ETS2: variants seen among roughly 807,000 people sequenced by gnomAD.
ETS2 encodes protein C-ets-2.
ETS2 carries 19 observed loss-of-function variants against 54.9 expected under a neutral mutation model. The ratio of observed to expected loss-of-function variants is 0.35; its 90% CI spans 0.24 to 0.51. The LOEUF (loss-of-function observed/expected upper bound fraction) is 0.51, where lower values mean the gene tolerates loss of function less well. Among genes scored for constraint, ETS2 ranks in the 20% least tolerant of loss-of-function variants. The probability of loss-of-function intolerance (pLI) is 0.97; values close to 1 mark genes in which losing one functional copy is unlikely to be tolerated. For missense variants in ETS2, 417 were observed against 593.0 expected (o/e 0.70, Z 3.08); for synonymous variants, 219 against 229.3 (o/e 0.95, Z 0.41).
intron 5 of ETS2, 44 bp downstream of exon 5, chr21:38,815,025 T>C: frequency 6.3e-7 from 1 of 1,592,138 alleles, no homozygotes; most frequent in African/African-American, 1.3e-5. Flanking sequence ...GGATGAGCTG[T>C]GGCCGGGAAG....
chr21:38,819,008 T>C (rs912382708), intron 7 of ETS2, among the ~76,000 whole-genome samples: 2 of 152,232 alleles, frequency 1.3e-5, no homozygotes, highest in Non-Finnish European at 2.9e-5. Flanking sequence ...TGTATACCCA[T>C]GTAATAACCA....
chr21:38,818,798 C>T (rs2123421804), intron 7 of ETS2, 152 bp downstream of exon 7: 1 of 898,846 alleles, frequency 1.1e-6, no homozygotes, highest in Non-Finnish European at 1.7e-6. Flanking sequence ...CAAGCATACC[C>T]CTAATATGTT....
chr21:38,821,516 G>A lies in ETS2; in HGVS notation c.1076-70G>A. On this transcript the variant is annotated intron_variant, in intron 8 of 9. Coordinates refer to ENST00000360938, the MANE Select transcript of ETS2 (RefSeq NM_005239.6). The surrounding 1 kb of genome is among the most constrained non-coding windows in gnomAD (Gnocchi z 4.2). ...TTCCTAAATCAGCATGTACAATTAG[G>A]ATGGTTAAAGACTTGCTGTATTTTA... 1.8e-6 allele frequency: 2 copies of A among 1,090,974 alleles called. No homozygotes were observed. The highest frequency in any genetic ancestry group is 3.4e-5 in the Admixed American group (2 of 58,134). The allele number at this position is 1,090,974 out of a possible 1,614,324, so 67.6% of individuals were successfully genotyped here. A position where few individuals can be genotyped will look rare whatever the true frequency, so the allele number is the denominator to read the frequency against.
chr21:38,813,158 A>G, intron 3 of ETS2, 44 bp downstream of exon 3: 2 of 1,234,108 alleles, frequency 1.6e-6, no homozygotes, highest in South Asian at 1.2e-5. Context: ...TGATTTTCCT[A>G]AGTAGTTCAG....
upstream of ETS2, chr21:38,805,336 G>A: frequency 1.6e-6 from 2 of 1,288,268 alleles, no homozygotes; most frequent in Non-Finnish European, 2.0e-6. The surrounding 1 kb of genome is among the most constrained non-coding windows in gnomAD (Gnocchi z 5.2). Context: ...AGCCCATTCA[G>A]AGGTTCAAGA....
At position 38,823,561 on chromosome 21, in the gene ETS2, T is replaced by C. The variant is rs1051425; in HGVS notation, c.*672T>C. 0.57 allele frequency: 87,431 copies of C among 152,250 alleles called. 25,687 individuals are homozygous for C. Among genetic ancestry groups the C allele is most frequent in the South Asian group, 0.84 (4,048 of 4,826 alleles). 9.4% of individuals were successfully genotyped at this position (152,250 alleles called of 1,614,324 possible). A position where few individuals can be genotyped will look rare whatever the true frequency, so the allele number is the denominator to read the frequency against. On this transcript the variant is annotated 3_prime_UTR_variant, in exon 10 of 10. Coordinates refer to ENST00000360938, the MANE Select transcript of ETS2 (RefSeq NM_005239.6). ...GAGAAGTTGTAAAGTATGTATTATT[T>C]ACATTTAATAGACTTACAGGGATAA...
Position 38,806,099 on chromosome 21 carries a change from C to G in ETS2, c.-22C>G. ...AGCAGCCACCGTCCCGACCAAGCGCCGGCCCTGCCCGCAGCGGCAGGGTAA... is the reference window on the plus strand; with the variant it reads ...AGCAGCCACCGTCCCGACCAAGCGCGGGCCCTGCCCGCAGCGGCAGGGTAA... On this transcript the variant is annotated 5_prime_UTR_variant, in exon 1 of 10. Coordinates refer to ENST00000360938, the MANE Select transcript of ETS2 (RefSeq NM_005239.6). This position sits in a 1 kb window ranked among gnomAD's most constrained non-coding sequence, Gnocchi z 4.3. The G allele has an allele frequency of 3.8e-6, 4 of 1,062,914 alleles. No individual in the cohort carries two copies. Among genetic ancestry groups the G allele is most frequent in the Non-Finnish European group, 4.6e-6 (4 of 878,422 alleles). The allele number at this position is 1,062,914 out of a possible 1,614,324, so 65.8% of individuals were successfully genotyped here.
Position 38,818,459 on chromosome 21 carries a change from G to A in ETS2, c.624G>A (p.Gln208=). Residue 208 remains glutamine (Q), a synonymous_variant, in exon 7 of 10, where the codon CAG becomes CAA. Coordinates refer to ENST00000360938, the MANE Select transcript of ETS2 (RefSeq NM_005239.6). The stretch of plus-strand genomic sequence containing the variant: ...CAGAGCAGGCGCCCTATGGAATGCA[G>A]ACACAGAATTACCCCAAAGGCGGCC... The part of the protein sequence containing the change: ...FGTEQAPYGM[Q]TQNYPKGGLL... 6.2e-7 allele frequency: 1 copy of A among 1,614,144 alleles called. No individual in the cohort carries two copies. The highest frequency in any genetic ancestry group is 8.5e-7 in the Non-Finnish European group (1 of 1,180,040).
rs534668750 is a variant in ETS2, at chr21:38,823,553, G to A, written c.*664G>A. On this transcript the variant is annotated 3_prime_UTR_variant, in exon 10 of 10. Coordinates refer to ENST00000360938, the MANE Select transcript of ETS2 (RefSeq NM_005239.6). Reference sequence around the variant, plus strand: ...CCGACTAAGAGAAGTTGTAAAGTATGTATTATTTACATTTAATAGACTTAC... The same window carrying A: ...CCGACTAAGAGAAGTTGTAAAGTATATATTATTTACATTTAATAGACTTAC... The A allele has an allele frequency of 3.3e-5, 5 of 152,564 alleles. No homozygotes were observed. Among genetic ancestry groups the A allele is most frequent in the South Asian group, 2.1e-4 (1 of 4,832 alleles). 9.5% of individuals were successfully genotyped at this position (152,564 alleles called of 1,614,324 possible). A position where few individuals can be genotyped will look rare whatever the true frequency, so the allele number is the denominator to read the frequency against.
In ETS2 at chr21:38,818,512, C is replaced by T; in HGVS notation, c.677C>T (p.Thr226Ile). The T allele has an allele frequency of 6.2e-7, 1 of 1,614,204 alleles. No homozygotes were observed. The highest frequency in any genetic ancestry group is 8.5e-7 in the Non-Finnish European group (1 of 1,180,034). ...CTGGACAGCATGTGTCCGGCCTCCA[C>T]ACCCAGCGTACTCAGCTCTGAGCAG... ...GLLDSMCPAS[T>I]PSVLSSEQEF... is the part of the protein sequence containing the mutation. Residue 226 changes from threonine to isoleucine, a missense_variant, in exon 7 of 10, where the codon ACA (threonine) becomes ATA (isoleucine). Transcript: ENST00000360938.
chr21:38,808,686 A>G (rs1286953877), intron 1 of ETS2, among the ~76,000 whole-genome samples: 1 of 152,090 alleles, frequency 6.6e-6, no homozygotes, highest in African/African-American at 2.4e-5. Flanking sequence ...ATAAAGAGAA[A>G]ACAAGAAAAT....
At position 38,814,113 on chromosome 21, in the gene ETS2, T is replaced by C. The variant is rs2060923569; in HGVS notation, c.185-160T>C. On this transcript the variant is annotated intron_variant, in intron 3 of 9. Transcript: ENST00000360938. This position sits in a 1 kb window ranked among gnomAD's most constrained non-coding sequence, Gnocchi z 4.2. ...GAGATATATATTTTCTCAATTATAG[T>C]CAGAAAAGTTTTTTGTTAATAGTTA... is the stretch of plus-strand genomic sequence containing the variant. Among the ~76,000 whole-genome samples the C allele has an allele frequency of 6.6e-6, 1 of 152,228 alleles. No individual in the cohort carries two copies. The highest frequency in any genetic ancestry group is 6.5e-5 in the Admixed American group (1 of 15,282).
intron 2 of ETS2, among the ~76,000 whole-genome samples, chr21:38,811,622 T>C (rs2123410380): frequency 6.6e-6 from 1 of 152,380 alleles, no homozygotes; most frequent in South Asian, 2.1e-4. Flanking sequence ...ATTTAGGCGA[T>C]GATGAATCCA....
chr21:38,817,193 G>A (rs977514896), intron 6 of ETS2, 102 bp downstream of exon 6: 6 of 726,488 alleles, frequency 8.3e-6, no homozygotes, highest in African/African-American at 1.8e-5. Flanking sequence ...CTAGACCTGT[G>A]TGTCTCTTAT....
chr21:38,821,878 A>G lies in ETS2; in HGVS notation c.1194+174A>G, dbSNP rs537822625. Among the ~76,000 whole-genome samples, 5 of 152,328 alleles carry G rather than the reference A, an allele frequency of 3.3e-5. No individual in the cohort carries two copies. In the East Asian group the frequency reaches 5.8e-4, roughly 18 times the overall value. ...GAAGTGGAGTCATTGCTTTGTTGAT[A>G]AACGTGTACAGTGTTTTCTGGGTAT... On this transcript the variant is annotated intron_variant, in intron 9 of 9. Coordinates refer to ENST00000360938, the MANE Select transcript of ETS2 (RefSeq NM_005239.6). This position sits in a 1 kb window ranked among gnomAD's most constrained non-coding sequence, Gnocchi z 4.2.
rs1450949203 is a variant in ETS2, at chr21:38,814,115, A to G, written c.185-158A>G. On this transcript the variant is annotated intron_variant, in intron 3 of 9. Coordinates refer to ENST00000360938, the MANE Select transcript of ETS2 (RefSeq NM_005239.6). The surrounding 1 kb of genome is among the most constrained non-coding windows in gnomAD (Gnocchi z 4.2). ...GATATATATTTTCTCAATTATAGTC[A>G]GAAAAGTTTTTTGTTAATAGTTACA... Among the ~76,000 whole-genome samples, 1 of 152,242 alleles carries G rather than the reference A, an allele frequency of 6.6e-6. No individual in the cohort carries two copies. The highest frequency in any genetic ancestry group is 2.4e-5 in the African/African-American group (1 of 41,458).
chr21:38,820,508 A>T (rs552601324), intron 8 of ETS2, among the ~76,000 whole-genome samples: 2 of 151,726 alleles, frequency 1.3e-5, no homozygotes, highest in South Asian at 4.2e-4. Context: ...TATCGGTTTC[A>T]TTATTGGGAG....
chr21:38,805,397 C>T, upstream of ETS2: 7 of 1,288,810 alleles, frequency 5.4e-6, no homozygotes, highest in Non-Finnish European at 7.1e-6. This position sits in a 1 kb window ranked among gnomAD's most constrained non-coding sequence, Gnocchi z 5.2. Flanking sequence ...GGCTGCCCTT[C>T]GGTGCCACCA....
In ETS2 at chr21:38,806,971, C is replaced by T. The variant is rs1236823650; in HGVS notation, c.-1+851C>T. ...TAGAAAGTAAAGAAATGAGCAGTCC[C>T]CTTTGGAGACAGGAGTAATTTATTT... On this transcript the variant is annotated intron_variant, in intron 1 of 9. Coordinates refer to ENST00000360938, the MANE Select transcript of ETS2 (RefSeq NM_005239.6). This position sits in a 1 kb window ranked among gnomAD's most constrained non-coding sequence, Gnocchi z 4.3. Among the ~76,000 whole-genome samples the T allele has an allele frequency of 6.6e-6, 1 of 152,096 alleles. No individual in the cohort carries two copies. Among genetic ancestry groups the T allele is most frequent in the East Asian group, 1.9e-4 (1 of 5,196 alleles).
Sources: allele counts gnomAD v4.1 joint callset (sites outside exome capture counted in the v4.1 genomes callset), GRCh38; gene constraint gnomAD v4.1.1; non-coding constraint Gnocchi (gnomAD v3.1); transcripts MANE v1.5; gene names NCBI Gene and HGNC (gene_info 2026-07-23, HGNC 2026-07-21).